Variants in TMEM132D observed in about 807,000 individuals in gnomAD.
TMEM132D encodes the protein transmembrane protein 132D.
In TMEM132D, 21 loss-of-function variants were observed where a neutral mutation model predicts 62.3. That is an observed-to-expected ratio of 0.34 (90% CI 0.24 to 0.49). The LOEUF (loss-of-function observed/expected upper bound fraction) is 0.49. Ranked by LOEUF, TMEM132D falls within the 20% of genes least tolerant of loss-of-function variation. The probability of loss-of-function intolerance (pLI) is 0.99; values close to 1 mark genes in which losing one functional copy is unlikely to be tolerated. For synonymous variants in TMEM132D, 621 were observed against 575.6 expected (o/e 1.08, Z -1.13); for missense variants, 1,346 against 1,402.8 (o/e 0.96, Z 0.65).
chr12:129,757,055 CAG>C (rs1159233990), intron 1 of TMEM132D, among the ~76,000 whole-genome samples: 1 of 152,016 alleles, frequency 6.6e-6, no homozygotes, highest in Non-Finnish European at 1.5e-5. Flanking sequence ...TACAAACAAA[CAG>C]AAAGGGAACA....
chr12:129,136,466 G>A (rs1273670080), intron 5 of TMEM132D, among the ~76,000 whole-genome samples: 1 of 152,198 alleles, frequency 6.6e-6, no homozygotes, highest in Admixed American at 6.5e-5. Flanking sequence ...GCTTTCTCAG[G>A]ATTAAATTGA....
chr12:129,820,850 C>T (rs550618410), intron 1 of TMEM132D, among the ~76,000 whole-genome samples: 6 of 152,298 alleles, frequency 3.9e-5, no homozygotes, highest in South Asian at 2.1e-4. Context: ...TGGCCTCCCA[C>T]GTAGCTGGGA....
At chr12:129,387,813 C>T (rs957482088) in intron 3 of TMEM132D, among the ~76,000 whole-genome samples, 18 of 141,296 alleles carry the variant, frequency 1.3e-4, no homozygotes, top group Admixed American at 7.1e-4. Context: ...AACACTAACA[C>T]GAATCCTAAT....
At chr12:129,710,458 G>A (rs1437712307) in intron 1 of TMEM132D, among the ~76,000 whole-genome samples, 4 of 151,946 alleles carry the variant, frequency 2.6e-5, no homozygotes, top group African/African-American at 9.7e-5. Context: ...ACCACACCTG[G>A]CTAATTTTTT....
intron 1 of TMEM132D, among the ~76,000 whole-genome samples, chr12:129,897,552 G>A (rs1875183890): frequency 1.3e-5 from 2 of 151,972 alleles, no homozygotes; most frequent in Admixed American, 1.3e-4. Context: ...AGGGAGGTGG[G>A]GGAGGAGGAA....
intron 1 of TMEM132D, among the ~76,000 whole-genome samples, chr12:129,820,018 T>G (rs1190145048): frequency 6.6e-6 from 1 of 152,036 alleles, no homozygotes; most frequent in Non-Finnish European, 1.5e-5. Context: ...CAGCCCTTCC[T>G]CCATGAAAAG....
intron 1 of TMEM132D, among the ~76,000 whole-genome samples, chr12:129,784,295 C>T (rs1871199075): frequency 6.6e-6 from 1 of 152,176 alleles, no homozygotes; most frequent in Admixed American, 6.5e-5. Flanking sequence ...ATGTTAAGTG[C>T]AAACTTAATA....
chr12:129,440,744 G>A (rs1872914222), intron 3 of TMEM132D, among the ~76,000 whole-genome samples: 1 of 152,134 alleles, frequency 6.6e-6, no homozygotes, highest in Admixed American at 6.5e-5. Flanking sequence ...CCTCTCGAAC[G>A]CTGACAATGG....
intron 1 of TMEM132D, among the ~76,000 whole-genome samples, chr12:129,812,951 T>G (rs752515648): frequency 6.6e-6 from 1 of 151,860 alleles, no homozygotes; most frequent in Non-Finnish European, 1.5e-5. Flanking sequence ...CATACCCATT[T>G]GCATGTCACA....
At chr12:129,486,872 C>G (rs576036328) in intron 3 of TMEM132D, among the ~76,000 whole-genome samples, 10 of 151,718 alleles carry the variant, frequency 6.6e-5, no homozygotes, top group African/African-American at 1.7e-4. Context: ...ATAGAAACAG[C>G]CTTGAACAAA....
In TMEM132D at chr12:129,246,745, G is replaced by A. The variant is rs998084642; in HGVS notation, c.1300-37082C>T. 3.5e-5 allele frequency among the ~76,000 whole-genome samples: 5 copies of A among 142,320 alleles called. No homozygotes were observed. In the East Asian group the frequency reaches 8.2e-4, roughly 23 times the overall value. 93.4% of individuals were successfully genotyped at this position (142,320 alleles called of 152,430 possible). On this transcript the variant is annotated intron_variant, in intron 4 of 8. Transcript: ENST00000422113. ...CACACCACTGTCCTCCAGCCTGAGCGACAGAGCAAGACTCTATCTCAAAAA... is the reference window on the plus strand; with the variant it reads ...CACACCACTGTCCTCCAGCCTGAGCAACAGAGCAAGACTCTATCTCAAAAA...
At position 129,074,506 on chromosome 12, in the gene TMEM132D, G is replaced by T. The variant is rs781237014; in HGVS notation, c.2669C>A (p.Ala890Asp). 7 of 1,614,100 alleles carry T rather than the reference G, an allele frequency of 4.3e-6. No homozygotes were observed. Among genetic ancestry groups the T allele is most frequent in the Non-Finnish European group, 5.1e-6 (6 of 1,180,040 alleles). Residue 890 changes from alanine to aspartate, a missense_variant, in exon 9 of 9, where the codon GCC (alanine) becomes GAC (aspartate). Physicochemically the swap from Ala to Asp is moderately radical, Grantham distance 126. Coordinates refer to ENST00000422113, the MANE Select transcript of TMEM132D (RefSeq NM_133448.3). The part of the protein sequence containing the change: ...TIPSDLTSFP[A>D]QVDLPRSNGE... Reference sequence around the variant, plus strand: ...ATTGCTTCTGGGGAGGTCCACCTGGGCTGGGAAGCTGGTGAGGTCGCTGGG... The same window carrying T: ...ATTGCTTCTGGGGAGGTCCACCTGGTCTGGGAAGCTGGTGAGGTCGCTGGG...
At chr12:129,592,056 A>C (rs1878203577) in intron 2 of TMEM132D, among the ~76,000 whole-genome samples, 1 of 152,234 alleles carries the variant, frequency 6.6e-6, no homozygotes, top group Non-Finnish European at 1.5e-5. Context: ...TTTCTAAACC[A>C]CAATAATCTG....
Position 129,074,439 on chromosome 12 carries a change from C to T in TMEM132D, c.2736G>A (p.Gly912=), listed in dbSNP as rs763608024. The change falls in exon 9 of 9, where the codon GGG becomes GGA. Residue 912 remains glycine (G), a synonymous_variant. Transcript: ENST00000422113. ...DGNDLMQASK[G]LSDLEIGMYA... ...ACATCCCAATTTCTAAGTCGCTCAG[C>T]CCTTTGGATGCCTGCATAAGGTCAT... 13 of 1,614,136 alleles carry T rather than the reference C, an allele frequency of 8.1e-6. No individual in the cohort carries two copies. Among genetic ancestry groups the T allele is most frequent in the East Asian group, 2.2e-5 (1 of 44,878 alleles).
At chr12:129,384,545 T>A (rs1364002427) in intron 3 of TMEM132D, among the ~76,000 whole-genome samples, 1 of 151,782 alleles carries the variant, frequency 6.6e-6, no homozygotes, top group African/African-American at 2.4e-5. Flanking sequence ...AGATTGATGA[T>A]GAAGTGGCCC....
At chr12:129,606,405 T>C (rs1379032331) in intron 2 of TMEM132D, among the ~76,000 whole-genome samples, 1 of 151,936 alleles carries the variant, frequency 6.6e-6, no homozygotes, top group African/African-American at 2.4e-5. Flanking sequence ...TAGCTCAGAG[T>C]CTGCCGCAGC....
chr12:129,174,958 T>C (rs1479778736), intron 5 of TMEM132D, among the ~76,000 whole-genome samples: 1 of 152,244 alleles, frequency 6.6e-6, no homozygotes, highest in Non-Finnish European at 1.5e-5. Flanking sequence ...AAGTTCCTTG[T>C]AAATTCTGGA....
intron 2 of TMEM132D, among the ~76,000 whole-genome samples, chr12:129,591,205 A>C (rs1878179549): frequency 6.6e-6 from 1 of 152,206 alleles, no homozygotes; most frequent in East Asian, 1.9e-4. Context: ...GAGTCAGATC[A>C]AAAGGGTAGC....
At chr12:129,273,435 CAAAAAAA>C (rs36073067) in intron 4 of TMEM132D, among the ~76,000 whole-genome samples, 1 of 113,798 alleles carries the variant, frequency 8.8e-6, no homozygotes. Flanking sequence ...ATCAGCCTGT[CAAAAAAA>C]AAAAAAAAAA....
Sources: allele counts gnomAD v4.1 joint callset (sites outside exome capture counted in the v4.1 genomes callset), GRCh38; gene constraint gnomAD v4.1.1; transcripts MANE v1.5; gene names NCBI Gene and HGNC (gene_info 2026-07-23, HGNC 2026-07-21).